The following LDLRAD4 variants were observed in gnomAD, a reference collection of about 807,000 sequenced individuals.
The protein encoded by LDLRAD4 is low density lipoprotein receptor class A domain containing 4, also known as low-density lipoprotein receptor class A domain-containing protein 4.
Under a neutral mutation model 17.0 loss-of-function variants are expected in LDLRAD4, and 5 were observed. The observed-to-expected ratio is 0.29, with a 90% confidence interval of 0.15 to 0.62. The LOEUF (loss-of-function observed/expected upper bound fraction) is 0.62. LDLRAD4 is among the 20% of genes least tolerant of loss of function. The pLI is 0.84. For synonymous variants in LDLRAD4, 168 were observed against 171.8 expected, an observed-to-expected ratio of 0.98 and a Z score of 0.17; for missense variants, 340 against 424.7, an observed-to-expected ratio of 0.80 and a Z score of 1.75.
At chr18:13,611,379 T>TG in intron 3 of LDLRAD4, 7 of 734,748 alleles carry the variant, frequency 9.5e-6, no homozygotes, top group Non-Finnish European at 1.2e-5. Context: ...AGCGTTACCA[T>TG]GGCAGGCTGC....
intron 3 of LDLRAD4, among the ~76,000 whole-genome samples, chr18:13,567,611 C>A (rs981355914): frequency 3.9e-5 from 6 of 152,214 alleles, no homozygotes; most frequent in African/African-American, 1.4e-4. Context: ...CAAGAGTTCT[C>A]TCTAAACTGC....
chr18:13,572,969 G>A (rs1319479136), intron 3 of LDLRAD4, among the ~76,000 whole-genome samples: 2 of 152,250 alleles, frequency 1.3e-5, no homozygotes, highest in East Asian at 3.8e-4. Flanking sequence ...CTGCATGCCT[G>A]CTCTGTGGGG....
intron 3 of LDLRAD4, among the ~76,000 whole-genome samples, chr18:13,441,700 G>A (rs769151834): frequency 6.6e-6 from 1 of 152,230 alleles, no homozygotes; most frequent in African/African-American, 2.4e-5. Flanking sequence ...AAGTTAACAA[G>A]AAAATGTTAC....
At chr18:13,357,285 T>G (rs2144559533) in intron 1 of LDLRAD4, among the ~76,000 whole-genome samples, 1 of 152,318 alleles carries the variant, frequency 6.6e-6, no homozygotes, top group African/African-American at 2.4e-5. Context: ...TGCTCTGTTG[T>G]GCAGGCTGGA....
At chr18:13,242,299 G>T (rs1407045338) in intron 1 of LDLRAD4, among the ~76,000 whole-genome samples, 1 of 152,178 alleles carries the variant, frequency 6.6e-6, no homozygotes, top group Non-Finnish European at 1.5e-5. Context: ...TTGATCATCT[G>T]CATTTTCCAA....
At chr18:13,559,766 GGACATTC>G (rs992307085) in intron 3 of LDLRAD4, among the ~76,000 whole-genome samples, 37 of 152,184 alleles carry the variant, frequency 2.4e-4, no homozygotes, top group African/African-American at 8.9e-4. Flanking sequence ...GACTTTTCCA[GGACATTC>G]GCTAAATCAC....
rs144890679 is a variant in LDLRAD4 at position 13,367,197 on chromosome 18, C to T, written c.-382-20144C>T. ...GGTTTTGCAATCCCCTCCAGCCCCA[C>T]TCCGTTACAACCAGTGGAGGTGGAA... On this transcript the variant is annotated intron_variant, in intron 1 of 5. Coordinates refer to ENST00000359446, the Ensembl canonical transcript of LDLRAD4. This position sits in a 1 kb window ranked among gnomAD's most constrained non-coding sequence, Gnocchi z 4.1. Among the ~76,000 whole-genome samples, 593 of 152,316 alleles carry T rather than the reference C, an allele frequency of 3.9e-3. 6 individuals are homozygous for T. Among genetic ancestry groups the T allele is most frequent in the African/African-American group, 0.014 (584 of 41,572 alleles).
At chr18:13,417,345 A>G (rs2088995236) in intron 2 of LDLRAD4, among the ~76,000 whole-genome samples, 1 of 152,230 alleles carries the variant, frequency 6.6e-6, no homozygotes, top group African/African-American at 2.4e-5. Context: ...TCTTAAGGAA[A>G]ACCACGTGAT....
chr18:13,565,947 A>G (rs150106289), intron 3 of LDLRAD4, among the ~76,000 whole-genome samples: 10 of 152,350 alleles, frequency 6.6e-5, no homozygotes, highest in African/African-American at 2.2e-4. Flanking sequence ...GGCATTAAAC[A>G]CAAGCCGAGC....
chr18:13,236,255 C>G (rs2042324782), intron 1 of LDLRAD4, among the ~76,000 whole-genome samples: 2 of 151,290 alleles, frequency 1.3e-5, no homozygotes, highest in Admixed American at 6.6e-5. Flanking sequence ...AAGCACTGTT[C>G]CATCTTTTCC....
chr18:13,432,892 T>A (rs376767477), intron 2 of LDLRAD4, among the ~76,000 whole-genome samples: 9 of 152,166 alleles, frequency 5.9e-5, no homozygotes, highest in Non-Finnish European at 1.2e-4. Flanking sequence ...AATTTTTTAA[T>A]TTTTTGTAGA....
At chr18:13,482,810 G>T (rs1600710558) in intron 3 of LDLRAD4, among the ~76,000 whole-genome samples, 1 of 152,234 alleles carries the variant, frequency 6.6e-6, no homozygotes, top group Admixed American at 6.5e-5. Context: ...TGCAGATTAA[G>T]TCTCTCAGGT....
At chr18:13,547,451 TTGAC>T (rs2094381290) in intron 3 of LDLRAD4, among the ~76,000 whole-genome samples, 1 of 152,210 alleles carries the variant, frequency 6.6e-6, no homozygotes, top group African/African-American at 2.4e-5. Flanking sequence ...GGTGGCACCT[TTGAC>T]TGAGTTTTGC....
intron 3 of LDLRAD4, among the ~76,000 whole-genome samples, chr18:13,482,596 C>CA (rs2093120047): frequency 6.6e-6 from 1 of 152,208 alleles, no homozygotes; most frequent in Non-Finnish European, 1.5e-5. Context: ...AGGGCCGGGT[C>CA]AGAGCTGTCC....
intron 5 of LDLRAD4, chr18:13,644,873 T>C: frequency 2.1e-6 from 1 of 468,310 alleles, no homozygotes; most frequent in Admixed American, 3.9e-5. Context: ...AGCTTTCCAT[T>C]ACCCACAGCT....
upstream of LDLRAD4, among the ~76,000 whole-genome samples, chr18:13,274,631 G>A (rs1418437487): frequency 6.6e-6 from 1 of 152,224 alleles, no homozygotes; most frequent in Non-Finnish European, 1.5e-5. Flanking sequence ...AGTCCTGAAT[G>A]TAGATTTCAG....
chr18:13,256,473 A>G (rs576561853), intron 1 of LDLRAD4, among the ~76,000 whole-genome samples: 1 of 152,276 alleles, frequency 6.6e-6, no homozygotes, highest in South Asian at 2.1e-4. Context: ...ATCCAAGGGG[A>G]TTCTTGTGCA....
At chr18:13,262,118 GC>G (rs1206087523) in intron 1 of LDLRAD4, among the ~76,000 whole-genome samples, 6 of 115,022 alleles carry the variant, frequency 5.2e-5, no homozygotes, top group African/African-American at 1.5e-4. Context: ...TGAGTCCCGT[GC>G]AGCTCTGTGC....
At chr18:13,330,116 C>T (rs12960927) in intron 1 of LDLRAD4, among the ~76,000 whole-genome samples, 65,583 of 151,770 alleles carry the variant, frequency 0.43, 16,840 homozygotes, top group Non-Finnish European at 0.57. Flanking sequence ...CCACCACGCC[C>T]GGCTAATTTT....
Sources: gnomAD v4.1 joint callset for allele counts (sites outside exome capture counted in the v4.1 genomes callset) on GRCh38, gnomAD v4.1.1 for gene constraint, Gnocchi (gnomAD v3.1) non-coding constraint, MANE v1.5 for transcripts, NCBI Gene and HGNC (gene_info 2026-07-23, HGNC 2026-07-21) for gene names.